The following YME1L1 variants were observed in gnomAD, a reference collection of about 807,000 sequenced individuals.
The protein encoded by YME1L1 is YME1 like 1 ATPase.
Under a neutral mutation model 90.4 loss-of-function variants are expected in YME1L1, and 39 were observed. That is an observed-to-expected ratio of 0.43 (90% CI 0.33 to 0.56). YME1L1 has a LOEUF of 0.56. YME1L1 is among the 20% of genes least tolerant of loss of function. The pLI is 0.03. For synonymous variants in YME1L1, 284 were observed against 287.3 expected (o/e 0.99, Z 0.12); for missense variants, 617 against 868.4 (o/e 0.71, Z 3.64).
At chr10:27,145,622 T>C in intron 2 of YME1L1, 32 bp from the exon 3 acceptor site, 1 of 1,562,188 alleles carries the variant, frequency 6.4e-7, no homozygotes, top group Non-Finnish European at 8.7e-7. Context: ...AGGTATGCAT[T>C]AATATTATCA....
intron 3 of YME1L1, 127 bp downstream of exon 3, chr10:27,145,301 C>CCA (rs2057131827): frequency 2.0e-6 from 1 of 510,056 alleles, no homozygotes; most frequent in Non-Finnish European, 2.8e-6. Context: ...AAAAAAAAAA[C>CCA]AAAAAAAAAA....
intron 18 of YME1L1, among the ~76,000 whole-genome samples, chr10:27,113,897 T>C (rs575659311): frequency 6.7e-6 from 1 of 148,820 alleles, no homozygotes; most frequent in African/African-American, 2.5e-5. Context: ...TAGGTTGCAG[T>C]GAGCCGAGAT....
chr10:27,124,373 T>C (rs74128573), intron 9 of YME1L1, among the ~76,000 whole-genome samples: 1 of 152,196 alleles, frequency 6.6e-6, no homozygotes, highest in African/African-American at 2.4e-5. Flanking sequence ...TACTGTTCTT[T>C]CAAGGTTTTC....
intron 8 of YME1L1, among the ~76,000 whole-genome samples, chr10:27,130,331 T>TA (rs1471680922): frequency 1.3e-4 from 20 of 152,196 alleles, no homozygotes; most frequent in Non-Finnish European, 1.5e-5. Flanking sequence ...ACTCGGTATT[T>TA]AAATCTCTCT....
chr10:27,147,549 G>T, intron 2 of YME1L1: 1 of 1,609,770 alleles, frequency 6.2e-7, no homozygotes, highest in Non-Finnish European at 8.5e-7. Flanking sequence ...TATCGGTTGT[G>T]TCCAAGCTCT....
At position 27,111,971 on chromosome 10, in the gene YME1L1, G is replaced by A. The variant is rs372643666; in HGVS notation, c.*6C>T. 3.1e-6 allele frequency: 5 copies of A among 1,613,916 alleles called. No individual in the cohort carries two copies. The highest frequency in any genetic ancestry group is 1.3e-5 in the African/African-American group (1 of 75,044). On this transcript the variant is annotated 3_prime_UTR_variant, in exon 19 of 19. Transcript: ENST00000376016. Reference sequence around the variant, plus strand: ...AAACCAGCAAGCATCCATATCAAGAGAGTTATCATCTCACTTCCAACTTTT... The same window carrying A: ...AAACCAGCAAGCATCCATATCAAGAAAGTTATCATCTCACTTCCAACTTTT...
At chr10:27,141,707 G>A (rs2057089556) in intron 4 of YME1L1, among the ~76,000 whole-genome samples, 2 of 151,622 alleles carry the variant, frequency 1.3e-5, no homozygotes, top group African/African-American at 2.4e-5. Flanking sequence ...GGCCATATCT[G>A]CACTGTGATT....
chr10:27,148,460 T>C (rs2057170352), intron 2 of YME1L1, among the ~76,000 whole-genome samples: 1 of 152,206 alleles, frequency 6.6e-6, no homozygotes, highest in South Asian at 2.1e-4. Context: ...ACAACACAGA[T>C]TAAAGCTGCA....
rs1264361751 is a variant in YME1L1 at position 27,129,118 on chromosome 10, C to A, written c.859-2332G>T. 7 of 130,094 alleles carry A rather than the reference C, an allele frequency of 5.4e-5. 1 individual carries two copies. In the East Asian group the frequency reaches 1.7e-3, roughly 31 times the overall value. The allele number at this position is 130,094 out of a possible 1,614,324, so 8.1% of individuals were successfully genotyped here. A position where few individuals can be genotyped will look rare whatever the true frequency, so the allele number is the denominator to read the frequency against. On this transcript the variant is annotated intron_variant, in intron 8 of 18. Coordinates refer to ENST00000376016, the MANE Select transcript of YME1L1 (RefSeq NM_014263.4). ...AAAAAAAAAAAAAAAAAAAAACTCT[C>A]ATTCCAAAAGAAGTGTGATATATTC...
chr10:27,123,155 A>G (rs898318918), intron 10 of YME1L1, among the ~76,000 whole-genome samples, 182 bp from the exon 11 acceptor site: 5 of 152,324 alleles, frequency 3.3e-5, no homozygotes, highest in African/African-American at 1.2e-4. Context: ...AACTATACCA[A>G]AGAAATGATA....
At chr10:27,126,414 A>G (rs1268238693) in intron 9 of YME1L1, among the ~76,000 whole-genome samples, 1 of 152,150 alleles carries the variant, frequency 6.6e-6, no homozygotes. Context: ...GGGTCTAAAA[A>G]GGAAACTAAA....
chr10:27,121,748 A>G (rs1333831977), intron 11 of YME1L1, among the ~76,000 whole-genome samples: 8 of 138,612 alleles, frequency 5.8e-5, no homozygotes, highest in Admixed American at 4.4e-4. Flanking sequence ...ACAAGCCACT[A>G]TTTTTTTTTT....
At chr10:27,145,301 CA>C (rs34642786) in intron 3 of YME1L1, 126 bp downstream of exon 3, 1,098 of 507,394 alleles carry the variant, frequency 2.2e-3, no homozygotes, top group Middle Eastern at 4.5e-3. Context: ...AAAAAAAAAA[CA>C]AAAAAAAAAC....
At chr10:27,116,667 A>C (rs1401125377) in intron 15 of YME1L1, among the ~76,000 whole-genome samples, 1 of 152,094 alleles carries the variant, frequency 6.6e-6, no homozygotes, top group Non-Finnish European at 1.5e-5. Context: ...ACTCCATCTC[A>C]AAAATAAAAT....
Position 27,110,229 on chromosome 10 carries a change from G to A in YME1L1, c.*1748C>T, listed in dbSNP as rs1418833042. On this transcript the variant is annotated 3_prime_UTR_variant, in exon 19 of 19. Transcript: ENST00000376016. ...GTGTATGTATGTACATACAGAGAGG[G>A]AGACAGAACAGGTTTGGGGCAATAA... The A allele has an allele frequency of 6.6e-6, 1 of 152,132 alleles. No individual in the cohort carries two copies. The highest frequency in any genetic ancestry group is 1.9e-4 in the East Asian group (1 of 5,200). The allele number at this position is 152,132 out of a possible 1,614,324, so 9.4% of individuals were successfully genotyped here.
chr10:27,126,112 T>C (rs1332890645), intron 9 of YME1L1, among the ~76,000 whole-genome samples: 1 of 152,120 alleles, frequency 6.6e-6, no homozygotes, highest in Non-Finnish European at 1.5e-5. Context: ...AATTTTTATA[T>C]TTATATATAC....
Position 27,110,182 on chromosome 10 carries a change from A to C in YME1L1, c.*1795T>G, listed in dbSNP as rs906143776. The C allele has an allele frequency of 1.3e-5, 2 of 152,202 alleles. No individual in the cohort carries two copies. Among genetic ancestry groups the C allele is most frequent in the Non-Finnish European group, 2.9e-5 (2 of 68,036 alleles). The allele number at this position is 152,202 out of a possible 1,614,324, so 9.4% of individuals were successfully genotyped here. A position where few individuals can be genotyped will look rare whatever the true frequency, so the allele number is the denominator to read the frequency against. ...TATGTAAAAAAATTTAAGACAGATA[A>C]GACTTTATCAATATTTTATACGTGT... On this transcript the variant is annotated 3_prime_UTR_variant, in exon 19 of 19. Coordinates refer to ENST00000376016, the MANE Select transcript of YME1L1 (RefSeq NM_014263.4).
intron 11 of YME1L1, among the ~76,000 whole-genome samples, chr10:27,122,117 C>T (rs2056873771): frequency 6.6e-6 from 1 of 152,136 alleles, no homozygotes; most frequent in Admixed American, 6.6e-5. Flanking sequence ...GCAATCCTCC[C>T]ACCTTGGCTT....
Position 27,112,082 on chromosome 10 carries a change from A to G in YME1L1, c.2046T>C (p.His682=), listed in dbSNP as rs751557810. 1.2e-6 allele frequency: 2 copies of G among 1,614,038 alleles called. No homozygotes were observed. The highest frequency in any genetic ancestry group is 1.7e-6 in the Non-Finnish European group (2 of 1,179,990). The change falls in exon 19 of 19, where the codon CAT becomes CAC. Residue 682 remains histidine, a synonymous_variant. Transcript: ENST00000376016. ...YERAKHILKT[H]AKEHKNLAEA... ...CTGCGAGATTCTTATGCTCCTTTGCATGAGTTTTCAAGATATGTTTTGCTC... is the reference window on the plus strand; with the variant it reads ...CTGCGAGATTCTTATGCTCCTTTGCGTGAGTTTTCAAGATATGTTTTGCTC...
Sources: allele counts gnomAD v4.1 joint callset (sites outside exome capture counted in the v4.1 genomes callset), GRCh38; gene constraint gnomAD v4.1.1; transcripts MANE v1.5; gene names NCBI Gene and HGNC (gene_info 2026-07-23, HGNC 2026-07-21).